Variants in PPP4R1 observed in about 807,000 individuals in gnomAD.
The protein encoded by PPP4R1 is serine/threonine-protein phosphatase 4 regulatory subunit 1.
Under a neutral mutation model 111.2 loss-of-function variants are expected in PPP4R1, and 42 were observed. The observed-to-expected ratio is 0.38, with a 90% CI of 0.29 to 0.49. The LOEUF is 0.49. Among genes scored for constraint, PPP4R1 ranks in the 20% least tolerant of loss-of-function variants. PPP4R1 has a pLI of 0.97. For missense variants in PPP4R1, 1,012 were observed against 1,161.6 expected (o/e 0.87, Z 1.87); for synonymous variants, 409 against 405.5 (o/e 1.01, Z -0.10).
At chr18:9,598,378 T>TA (rs1325722016) in intron 2 of PPP4R1, among the ~76,000 whole-genome samples, 1 of 152,130 alleles carries the variant, frequency 6.6e-6, no homozygotes, top group African/African-American at 2.4e-5. Context: ...AGGCACAATA[T>TA]AATCAAATTG....
intron 9 of PPP4R1, among the ~76,000 whole-genome samples, chr18:9,579,149 T>C (rs2066985462): frequency 6.6e-6 from 1 of 152,234 alleles, no homozygotes; most frequent in Admixed American, 6.5e-5. Flanking sequence ...TGAAGTCCAA[T>C]TTTAACTCTC....
rs762585144 is a variant in PPP4R1 at position 9,563,558 on chromosome 18, C to T, written c.1574-8G>A. On this transcript the variant is annotated splice_region_variant and splice_polypyrimidine_tract_variant and intron_variant, in intron 11 of 19. Transcript: ENST00000400556. Reference sequence around the variant, plus strand: ...ACAGCACTTCCACTTGTGCTACAGGCAAAATAAGGAAATGGACAAAGTGAG... The same window carrying T: ...ACAGCACTTCCACTTGTGCTACAGGTAAAATAAGGAAATGGACAAAGTGAG... The T allele has an allele frequency of 7.6e-6, 12 of 1,569,624 alleles. No homozygotes were observed. Among genetic ancestry groups the T allele is most frequent in the Non-Finnish European group, 1.0e-5 (12 of 1,153,832 alleles).
At chr18:9,573,561 G>A (rs566771432) in intron 10 of PPP4R1, among the ~76,000 whole-genome samples, 42 of 152,080 alleles carry the variant, frequency 2.8e-4, no homozygotes, top group Admixed American at 2.6e-4. Context: ...GTAAGACCTC[G>A]TATGTACTAT....
At chr18:9,594,078 C>T (rs2067254563) in intron 3 of PPP4R1, 1 of 460,938 alleles carries the variant, frequency 2.2e-6, no homozygotes, top group Non-Finnish European at 4.0e-6. Context: ...CAGGCATGCA[C>T]CACCACACCT....
chr18:9,551,279 A>G (rs1293485016), intron 16 of PPP4R1: 1 of 152,254 alleles, frequency 6.6e-6, no homozygotes, highest in Non-Finnish European at 1.5e-5. Flanking sequence ...AAAGCACACA[A>G]ACAACCTAAC....
intron 6 of PPP4R1, among the ~76,000 whole-genome samples, chr18:9,586,078 T>C (rs1377240156): frequency 6.6e-6 from 1 of 152,054 alleles, no homozygotes; most frequent in African/African-American, 2.4e-5. Context: ...AGTTATGCTG[T>C]ATATCACTGA....
intron 16 of PPP4R1, among the ~76,000 whole-genome samples, chr18:9,552,463 AT>A (rs2066504567): frequency 6.6e-6 from 1 of 152,224 alleles, no homozygotes; most frequent in African/African-American, 2.4e-5. Flanking sequence ...CCTCACAAAT[AT>A]GCACAATTAT....
intron 11 of PPP4R1, among the ~76,000 whole-genome samples, chr18:9,564,048 T>C (rs2066721406): frequency 6.6e-6 from 1 of 152,214 alleles, no homozygotes; most frequent in Non-Finnish European, 1.5e-5. Context: ...CTAATTCTTT[T>C]TGAAAATGAG....
Position 9,550,288 on chromosome 18 carries a change from G to C in PPP4R1, c.2402C>G (p.Ser801Cys). The change falls in exon 17 of 20, where the codon TCC becomes TGC. Residue 801 changes from serine to cysteine, a missense_variant. Coordinates refer to ENST00000400556, the MANE Select transcript of PPP4R1 (RefSeq NM_001042388.3). ...AAGTTCAATACATACCAACTTGTAG[G>C]AAATCCAACGAACAGAAGAAACTTT... ...ADKVSSVRWI[S>C]YKLVSEMVKK... The C allele has an allele frequency of 3.1e-6, 5 of 1,614,020 alleles. No homozygotes were observed. The highest frequency in any genetic ancestry group is 4.2e-6 in the Non-Finnish European group (5 of 1,180,002).
At position 9,570,450 on chromosome 18, in the gene PPP4R1, G is replaced by A. The variant is rs779933973; in HGVS notation, c.1280C>T (p.Pro427Leu). The change falls in exon 11 of 20, where the codon CCT becomes CTT. Residue 427 changes from proline (P) to leucine (L), a missense_variant. Coordinates refer to ENST00000400556, the MANE Select transcript of PPP4R1 (RefSeq NM_001042388.3). Reference sequence around the variant, plus strand: ...TCGTAACATAGATTTGTAGTTACCAGGTTTTTTATCATTCTCATTACTAGC... The same window carrying A: ...TCGTAACATAGATTTGTAGTTACCAAGTTTTTTATCATTCTCATTACTAGC... ...EAASNENDKK[P>L]GNYKSMLRPE... 6.2e-7 allele frequency: 1 copy of A among 1,614,170 alleles called. No individual in the cohort carries two copies. The highest frequency in any genetic ancestry group is 8.5e-7 in the Non-Finnish European group (1 of 1,180,010).
intron 2 of PPP4R1, among the ~76,000 whole-genome samples, chr18:9,605,161 C>G (rs1292687949): frequency 6.6e-6 from 1 of 152,138 alleles, no homozygotes; most frequent in Admixed American, 6.5e-5. Flanking sequence ...TGTTTCCCAT[C>G]TTTACATTTT....
At position 9,588,582 on chromosome 18, in the gene PPP4R1, T is replaced by C. The variant is rs944772864; in HGVS notation, c.438+129A>G. ...CTAGATTTGTCAGACTCTAAACACA[T>C]CTTGTCTAAGATAAATATTCATTTT... On this transcript the variant is annotated intron_variant, in intron 5 of 19. Transcript: ENST00000400556. 52 of 1,047,560 alleles carry C rather than the reference T, an allele frequency of 5.0e-5. No individual in the cohort carries two copies. The African/African-American group carries it at 6.3e-4, about 13-fold the overall frequency. The allele number at this position is 1,047,560 out of a possible 1,614,324, so 64.9% of individuals were successfully genotyped here. A position where few individuals can be genotyped will look rare whatever the true frequency, so the allele number is the denominator to read the frequency against.
At chr18:9,586,120 T>A (rs931340010) in intron 6 of PPP4R1, among the ~76,000 whole-genome samples, 5 of 151,904 alleles carry the variant, frequency 3.3e-5, no homozygotes, top group African/African-American at 1.2e-4. Context: ...TAAAAATGAA[T>A]TATTTTTATT....
At chr18:9,601,204 GTT>G (rs35363292) in intron 2 of PPP4R1, among the ~76,000 whole-genome samples, 79 of 139,810 alleles carry the variant, frequency 5.7e-4, no homozygotes, top group African/African-American at 1.6e-3. Flanking sequence ...TGTTACTGTT[GTT>G]TTTTTTTTTG....
intron 12 of PPP4R1, among the ~76,000 whole-genome samples, chr18:9,562,608 A>G (rs2066696380): frequency 6.6e-6 from 1 of 152,262 alleles, no homozygotes; most frequent in Admixed American, 6.5e-5. Context: ...GGTATTATAC[A>G]GATTTCTAAC....
chr18:9,588,929 T>C (rs1040497464), intron 4 of PPP4R1, 76 bp from the exon 5 acceptor site: 25 of 1,524,072 alleles, frequency 1.6e-5, no homozygotes, highest in South Asian at 1.5e-4. Context: ...TGAGGGTACT[T>C]AGGAAGGCTA....
At chr18:9,555,498 C>G (rs2066558221) in intron 15 of PPP4R1, among the ~76,000 whole-genome samples, 1 of 152,104 alleles carries the variant, frequency 6.6e-6, no homozygotes, top group South Asian at 2.1e-4. Flanking sequence ...TCTCTATTAA[C>G]CACAAAAGGT....
At chr18:9,612,101 G>A (rs1568133863) in intron 2 of PPP4R1, among the ~76,000 whole-genome samples, 1 of 152,014 alleles carries the variant, frequency 6.6e-6, no homozygotes, top group African/African-American at 2.4e-5. Flanking sequence ...TTCCTTCTCT[G>A]CTCTTCTTTT....
Position 9,570,223 on chromosome 18 carries a change from T to C in PPP4R1, c.1507A>G (p.Thr503Ala), listed in dbSNP as rs775566457. ...ATCATTTCTTCCAGTTCCTTTCTGG[T>C]GGCCATGGTGATGTTTGGAGAACTG... is the stretch of plus-strand genomic sequence containing the variant. ...VPSSPNITMA[T>A]RKELEEMIEN... The change falls in exon 11 of 20, where the codon ACC (threonine) becomes GCC (alanine). Residue 503 changes from threonine (T) to alanine (A), a missense_variant. This residue lies in a region of PPP4R1 where 707 missense variants were observed against 742.1 expected (regional missense o/e 0.95). Transcript: ENST00000400556. 1 of 1,574,320 alleles carries C rather than the reference T, an allele frequency of 6.4e-7. No individual in the cohort carries two copies.
Sources: allele counts gnomAD v4.1 joint callset (sites outside exome capture counted in the v4.1 genomes callset), GRCh38; gene constraint gnomAD v4.1.1; regional missense constraint gnomAD v4.1.1; transcripts MANE v1.5; gene names NCBI Gene and HGNC (gene_info 2026-07-23, HGNC 2026-07-21).